Variants in SLC39A11 observed in about 807,000 individuals in gnomAD.
SLC39A11 encodes the protein zinc transporter ZIP11.
A neutral mutation model predicts 36.1 loss-of-function variants in SLC39A11; 33 were observed. That is an observed-to-expected ratio of 0.91 (90% CI 0.69 to 1.22). The LOEUF is 1.22. Among genes scored for constraint, SLC39A11 ranks in the 50% most tolerant of loss-of-function variants. The pLI, the probability that SLC39A11 is intolerant of heterozygous loss-of-function variation, is 0.00. For synonymous variants in SLC39A11, 166 were observed against 170.3 expected, an observed-to-expected ratio of 0.97 and a Z score of 0.20; for missense variants, 432 against 430.3, an observed-to-expected ratio of 1.00 and a Z score of -0.03.
chr17:72,931,937 C>A (rs189780707), intron 5 of SLC39A11, among the ~76,000 whole-genome samples: 2 of 152,256 alleles, frequency 1.3e-5, no homozygotes, highest in Non-Finnish European at 2.9e-5. Flanking sequence ...GTGATTCAAC[C>A]CCCAACCCCA....
chr17:73,081,670 C>CATATATGTATATATGTATGTATAT (rs1568242944), intron 3 of SLC39A11, among the ~76,000 whole-genome samples: 3 of 82,208 alleles, frequency 3.6e-5, no homozygotes, highest in Non-Finnish European at 7.0e-5. Flanking sequence ...CACACACACA[C>CATATATGTATATATGTATGTATAT]ATATATATAC....
At chr17:72,707,431 A>T (rs550958170) in intron 7 of SLC39A11, among the ~76,000 whole-genome samples, 6 of 145,486 alleles carry the variant, frequency 4.1e-5, no homozygotes, top group African/African-American at 1.4e-4. Context: ...TCTCAAAAAC[A>T]ACAAAGAAAA....
intron 6 of SLC39A11, among the ~76,000 whole-genome samples, chr17:72,842,646 T>C (rs983685174): frequency 2.0e-5 from 3 of 152,194 alleles, no homozygotes; most frequent in Non-Finnish European, 1.5e-5. Context: ...AGAGACAGTA[T>C]GCTCAAAAGG....
At chr17:73,041,010 A>AAC (rs1555690051) in intron 3 of SLC39A11, among the ~76,000 whole-genome samples, 2 of 100,174 alleles carry the variant, frequency 2.0e-5, no homozygotes, top group African/African-American at 1.4e-4. Flanking sequence ...AACAAAAAAC[A>AAC]AAAAAAAAAA....
At chr17:72,830,228 G>T (rs1349340526) in intron 6 of SLC39A11, among the ~76,000 whole-genome samples, 2 of 152,250 alleles carry the variant, frequency 1.3e-5, no homozygotes, top group Non-Finnish European at 2.9e-5. Context: ...TACCATTCCT[G>T]GATATCGCCC....
intron 7 of SLC39A11, among the ~76,000 whole-genome samples, chr17:72,694,372 A>G (rs1598366277): frequency 6.6e-6 from 1 of 152,134 alleles, no homozygotes; most frequent in African/African-American, 2.4e-5. Flanking sequence ...TCCTTAGGAT[A>G]CCTCCCCGAG....
intron 7 of SLC39A11, among the ~76,000 whole-genome samples, chr17:72,679,660 G>A (rs1342212793): frequency 6.6e-6 from 1 of 152,216 alleles, no homozygotes; most frequent in Admixed American, 6.5e-5. Context: ...TGTTGCAGGA[G>A]GTATTGATCT....
At position 72,932,309 on chromosome 17, in the gene SLC39A11, T is replaced by TATTATTATTATTATTATTATTATA. The variant is rs565770380; in HGVS notation, c.430+15442_430+15443insTATAATAATAATAATAATAATAAT. Among the ~76,000 whole-genome samples, 479 of 151,482 alleles carry TATTATTATTATTATTATTATTATA rather than the reference T, an allele frequency of 3.2e-3. 2 individuals are homozygous for TATTATTATTATTATTATTATTATA. Among genetic ancestry groups the TATTATTATTATTATTATTATTATA allele is most frequent in the African/African-American group, 0.011 (442 of 40,824 alleles). ...CCTGTTCTTTTATTATTATTATTAT[T>TATTATTATTATTATTATTATTATA]ATACTTTAAGTTCTGGGTTACATGT... On this transcript the variant is annotated intron_variant, in intron 5 of 9. Transcript: ENST00000255559.
intron 5 of SLC39A11, among the ~76,000 whole-genome samples, chr17:72,926,674 T>A (rs1338546539): frequency 6.6e-6 from 1 of 152,128 alleles, no homozygotes; most frequent in Admixed American, 6.6e-5. Context: ...AAGTTGACCA[T>A]TTCCAGGGAG....
In SLC39A11 at chr17:72,660,889, G is replaced by T. The variant is rs558188084; in HGVS notation, c.672-11621C>A. Among the ~76,000 whole-genome samples, 3 of 152,282 alleles carry T rather than the reference G, an allele frequency of 2.0e-5. No homozygotes were observed. The East Asian group carries it at 5.8e-4, about 29-fold the overall frequency. ...TGACAACCAAAACGTCTCCAGACAT[G>T]GCCAAATGTCTCCGGGGAGGGGGAG... On this transcript the variant is annotated intron_variant, in intron 7 of 9. Coordinates refer to ENST00000255559, the MANE Select transcript of SLC39A11 (RefSeq NM_139177.4).
intron 7 of SLC39A11, among the ~76,000 whole-genome samples, chr17:72,690,302 C>A (rs4076588): frequency 0.58 from 87,596 of 152,064 alleles, 25,985 homozygotes; most frequent in South Asian, 0.7. Flanking sequence ...CCCAGGGGGA[C>A]GTCCTGGTGA....
intron 6 of SLC39A11, among the ~76,000 whole-genome samples, chr17:72,834,347 C>A (rs2078422040): frequency 2.6e-5 from 4 of 152,210 alleles, no homozygotes; most frequent in Admixed American, 2.6e-4. Context: ...CTAGGCTGGG[C>A]ACGGTGGCTC....
chr17:72,790,262 G>A (rs8077030), intron 6 of SLC39A11, among the ~76,000 whole-genome samples: 11,007 of 152,150 alleles, frequency 0.072, 421 homozygotes, highest in African/African-American at 0.083. Flanking sequence ...GGGGTTTCTG[G>A]TTGTGAGAAA....
rs564297517 is a variant in SLC39A11 at position 73,015,895 on chromosome 17, G to C, written c.306+15661C>G. On this transcript the variant is annotated intron_variant, in intron 4 of 9. Coordinates refer to ENST00000255559, the MANE Select transcript of SLC39A11 (RefSeq NM_139177.4). ...CCGTGCCCAGCCAAGAAGGAGATTA[G>C]AGCAAAATGAAAAGAATGAGGAATG... is the stretch of plus-strand genomic sequence containing the variant. Among the ~76,000 whole-genome samples, 10 of 152,140 alleles carry C rather than the reference G, an allele frequency of 6.6e-5. 1 individual carries two copies. The South Asian group carries it at 1.9e-3, about 28-fold the overall frequency.
chr17:72,697,236 C>T (rs756849266), intron 7 of SLC39A11, among the ~76,000 whole-genome samples: 1 of 152,174 alleles, frequency 6.6e-6, no homozygotes, highest in Non-Finnish European at 1.5e-5. Context: ...GTGCACGCCA[C>T]CACTTCTGGC....
At chr17:72,857,048 C>T (rs544459742) in intron 5 of SLC39A11, among the ~76,000 whole-genome samples, 4 of 152,266 alleles carry the variant, frequency 2.6e-5, no homozygotes, top group African/African-American at 9.6e-5. Flanking sequence ...ACTCATGTCA[C>T]GGGGGTTTGT....
At position 72,855,968 on chromosome 17, in the gene SLC39A11, G is replaced by C. The variant is rs569208182; in HGVS notation, c.431-6164C>G. Among the ~76,000 whole-genome samples, 53 of 151,276 alleles carry C rather than the reference G, an allele frequency of 3.5e-4. No individual in the cohort carries two copies. The South Asian group carries it at 0.01, about 29-fold the overall frequency. ...TGCCTTCTTGTTTCCCAAAGAATCAGTCTAGTTTCAGGTAACACAAATTAT... is the reference window on the plus strand; with the variant it reads ...TGCCTTCTTGTTTCCCAAAGAATCACTCTAGTTTCAGGTAACACAAATTAT... On this transcript the variant is annotated intron_variant, in intron 5 of 9. Transcript: ENST00000255559.
intron 5 of SLC39A11, among the ~76,000 whole-genome samples, chr17:72,946,215 G>A (rs975025145): frequency 6.6e-6 from 1 of 152,224 alleles, no homozygotes. Flanking sequence ...ATGGGTATAA[G>A]TGACAAGTGT....
chr17:72,768,361 T>C (rs755029445), intron 6 of SLC39A11, among the ~76,000 whole-genome samples: 1 of 152,220 alleles, frequency 6.6e-6, no homozygotes, highest in Non-Finnish European at 1.5e-5. Flanking sequence ...CAGGAGTAGT[T>C]AAGGAAAAGG....
Sources: allele counts gnomAD v4.1 joint callset (sites outside exome capture counted in the v4.1 genomes callset), GRCh38; gene constraint gnomAD v4.1.1; transcripts MANE v1.5; gene names NCBI Gene and HGNC (gene_info 2026-07-23, HGNC 2026-07-21).